The following RBM44 variants were observed in gnomAD, a reference collection of about 807,000 sequenced individuals.
RBM44 encodes the protein RNA-binding protein 44.
In RBM44, 66 loss-of-function variants were observed where a neutral mutation model predicts 105.1. The observed-to-expected ratio is 0.63, with a 90% confidence interval of 0.52 to 0.77. RBM44 has a LOEUF of 0.77. Among genes scored for constraint, RBM44 ranks in the 30% least tolerant of loss-of-function variants. The pLI, the probability that RBM44 is intolerant of heterozygous loss-of-function variation, is 0.00. For synonymous variants in RBM44, 365 were observed against 417.6 expected, an observed-to-expected ratio of 0.87 and a Z score of 1.54; for missense variants, 1,122 against 1,207.8, an observed-to-expected ratio of 0.93 and a Z score of 1.05.
intron 13 of RBM44, among the ~76,000 whole-genome samples, chr2:237,832,156 CTTT>C (rs1298405099): frequency 4.3e-5 from 6 of 140,182 alleles, no homozygotes; most frequent in Admixed American, 7.2e-5. Flanking sequence ...TAATTTCAGT[CTTT>C]TTTTTTTTTT....
Position 237,817,820 on chromosome 2 carries a change from A to C in RBM44, c.901A>C (p.Ser301Arg), listed in dbSNP as rs751851999. 1.9e-6 allele frequency: 3 copies of C among 1,612,388 alleles called. No homozygotes were observed. In the Admixed American group the frequency reaches 5.0e-5, roughly 27 times the overall value. Residue 301 changes from serine to arginine, a missense_variant, in exon 3 of 16, where the codon AGC becomes CGC. By Grantham distance (110) the Ser-to-Arg change is moderately radical. This residue lies in a region of RBM44 where 918 missense variants were observed against 955.3 expected (regional missense o/e 0.96). Coordinates refer to ENST00000316997, the MANE Select transcript of RBM44 (RefSeq NM_001080504.3). ...HTVFDGSVLR[S>R]NSPGNQESQS... ...TGTATTTGATGGCAGTGTACTAAGA[A>C]GCAATTCTCCAGGAAACCAGGAATC...
At chr2:237,808,467 A>G (rs1312443390) in intron 1 of RBM44, among the ~76,000 whole-genome samples, 3 of 150,918 alleles carry the variant, frequency 2.0e-5, no homozygotes, top group East Asian at 1.9e-4. Context: ...TCTCCCCCCA[A>G]AAAAAGCATA....
intron 13 of RBM44, among the ~76,000 whole-genome samples, chr2:237,833,305 G>T (rs969505979): frequency 6.6e-6 from 1 of 152,116 alleles, no homozygotes; most frequent in African/African-American, 2.4e-5. Flanking sequence ...TTTCATCGAG[G>T]CTTTAAAGTC....
Position 237,813,590 on chromosome 2 carries a change from A to G in RBM44, c.-18-2A>G. On this transcript the variant is annotated splice_acceptor_variant, in intron 1 of 15. Coordinates refer to ENST00000316997, the MANE Select transcript of RBM44 (RefSeq NM_001080504.3). LOFTEE classifies it low-confidence loss of function (5UTR_SPLICE). Reference sequence around the variant, plus strand: ...ATAGTTCAATATTTATACCTTTTCTAGATTATATATCTTTGAATGATGCAG... The same window carrying G: ...ATAGTTCAATATTTATACCTTTTCTGGATTATATATCTTTGAATGATGCAG... 1 of 1,523,406 alleles carries G rather than the reference A, an allele frequency of 6.6e-7. No individual in the cohort carries two copies. The highest frequency in any genetic ancestry group is 9.1e-7 in the Non-Finnish European group (1 of 1,099,950). The allele number at this position is 1,523,406 out of a possible 1,614,324, so 94.4% of individuals were successfully genotyped here. A position where few individuals can be genotyped will look rare whatever the true frequency, so the allele number is the denominator to read the frequency against.
chr2:237,830,754 T>C (rs2061894948), intron 13 of RBM44, among the ~76,000 whole-genome samples: 2 of 152,312 alleles, frequency 1.3e-5, no homozygotes, highest in South Asian at 2.1e-4. Flanking sequence ...ACTGTTTCGC[T>C]GAACTGTCTC....
At chr2:237,823,380 A>T in intron 8 of RBM44, 60 bp from the exon 9 acceptor site, 1 of 774,416 alleles carries the variant, frequency 1.3e-6, no homozygotes, top group Non-Finnish European at 2.2e-6. Context: ...TACCTGTCAC[A>T]TAGTAAGAGC....
chr2:237,808,727 C>G (rs984308188), intron 1 of RBM44, among the ~76,000 whole-genome samples: 1 of 152,104 alleles, frequency 6.6e-6, no homozygotes, highest in Non-Finnish European at 1.5e-5. Context: ...ATAAAGGAAA[C>G]TACTTCTAGA....
chr2:237,818,819 A>T lies in RBM44; in HGVS notation c.1678-82A>T. The T allele has an allele frequency of 1.2e-6, 1 of 830,228 alleles. No individual in the cohort carries two copies. The highest frequency in any genetic ancestry group is 2.8e-5 in the East Asian group (1 of 36,160). 51.4% of individuals were successfully genotyped at this position (830,228 alleles called of 1,614,324 possible). On this transcript the variant is annotated intron_variant, in intron 3 of 15. Transcript: ENST00000316997. This position sits in a 1 kb window ranked among gnomAD's most constrained non-coding sequence, Gnocchi z 4.6. ...CCTGGCAGCTCCTCCCACAAAATCC[A>T]TTAGAAATTGAATTGTACATTTTAT...
At chr2:237,815,212 T>C (rs1164178728) in intron 2 of RBM44, among the ~76,000 whole-genome samples, 1 of 152,088 alleles carries the variant, frequency 6.6e-6, no homozygotes, top group East Asian at 1.9e-4. Flanking sequence ...TTACAAATGT[T>C]AAAAAGAAAA....
intron 15 of RBM44, chr2:237,834,690 C>T (rs2061939761): frequency 5.6e-6 from 1 of 179,836 alleles, no homozygotes; most frequent in Non-Finnish European, 1.1e-5. Context: ...AGTTTTAGCT[C>T]AGGGTTTTTC....
chr2:237,818,960 G>T lies in RBM44; in HGVS notation c.1736+1G>T, dbSNP rs2061753240. On this transcript the variant is annotated splice_donor_variant, in intron 4 of 15. Coordinates refer to ENST00000316997, the MANE Select transcript of RBM44 (RefSeq NM_001080504.3). LOFTEE classifies it high-confidence loss of function. This position sits in a 1 kb window ranked among gnomAD's most constrained non-coding sequence, Gnocchi z 4.6. ...CAGACCTAAAGAAACATCCTGAGAG[G>T]TACATCATTTATATATGCTTACAGA... 1 of 1,439,110 alleles carries T rather than the reference G, an allele frequency of 6.9e-7. No individual in the cohort carries two copies. Among genetic ancestry groups the T allele is most frequent in the Admixed American group, 2.1e-5 (1 of 48,500 alleles). The allele number at this position is 1,439,110 out of a possible 1,614,324, so 89.1% of individuals were successfully genotyped here. A position where few individuals can be genotyped will look rare whatever the true frequency, so the allele number is the denominator to read the frequency against.
At chr2:237,810,726 G>C (rs543141359) in intron 1 of RBM44, among the ~76,000 whole-genome samples, 1 of 152,286 alleles carries the variant, frequency 6.6e-6, no homozygotes, top group South Asian at 2.1e-4. Context: ...GTGGTCTAAG[G>C]CATGGGGAAA....
At chr2:237,837,394 C>A (rs951976410) in intron 15 of RBM44, among the ~76,000 whole-genome samples, 1 of 152,022 alleles carries the variant, frequency 6.6e-6, no homozygotes, top group Non-Finnish European at 1.5e-5. Flanking sequence ...AAAGGAGTCA[C>A]CATTCTAGAT....
In RBM44 at chr2:237,818,391, T is replaced by TATCTACATCAAGCAACACAGAGATAACA; in HGVS notation, c.1475_1502dup (p.Met501IlefsTer13). The TATCTACATCAAGCAACACAGAGATAACA allele has an allele frequency of 6.2e-7, 1 of 1,613,030 alleles. No homozygotes were observed. Among genetic ancestry groups the TATCTACATCAAGCAACACAGAGATAACA allele is most frequent in the African/African-American group, 1.3e-5 (1 of 74,984 alleles). The stretch of plus-strand genomic sequence containing the variant: ...GCAACAAGTGCAAGACCTTCTGTAG[T>TATCTACATCAAGCAACACAGAGATAACA]ATCTACATCAAGCAACACAGAGATA... On this transcript the variant is annotated frameshift_variant, in exon 3 of 16. Transcript: ENST00000316997. LOFTEE classifies it high-confidence loss of function. This position sits in a 1 kb window ranked among gnomAD's most constrained non-coding sequence, Gnocchi z 4.6.
At position 237,818,868 on chromosome 2, in the gene RBM44, T is replaced by A; in HGVS notation, c.1678-33T>A. ...ATTAGTTTGGAATTTCAGATATAAC[T>A]TTTTTAAATTTAATTTTAAATCATA... On this transcript the variant is annotated intron_variant, in intron 3 of 15. Transcript: ENST00000316997. The surrounding 1 kb of genome is among the most constrained non-coding windows in gnomAD (Gnocchi z 4.6). 2 of 1,207,456 alleles carry A rather than the reference T, an allele frequency of 1.7e-6. No individual in the cohort carries two copies. Among genetic ancestry groups the A allele is most frequent in the Middle Eastern group, 2.4e-4 (1 of 4,216 alleles). 74.8% of individuals were successfully genotyped at this position (1,207,456 alleles called of 1,614,324 possible). A position where few individuals can be genotyped will look rare whatever the true frequency, so the allele number is the denominator to read the frequency against.
chr2:237,808,313 G>A (rs1470933567), intron 1 of RBM44, among the ~76,000 whole-genome samples: 1 of 151,970 alleles, frequency 6.6e-6, no homozygotes, highest in African/African-American at 2.4e-5. Context: ...AGCTGGGCAT[G>A]GTGGCTTGCA....
chr2:237,818,828 T>A lies in RBM44; in HGVS notation c.1678-73T>A. ...TCCTCCCACAAAATCCATTAGAAAT[T>A]GAATTGTACATTTTATTAGTTTGGA... is the stretch of plus-strand genomic sequence containing the variant. On this transcript the variant is annotated intron_variant, in intron 3 of 15. Coordinates refer to ENST00000316997, the MANE Select transcript of RBM44 (RefSeq NM_001080504.3). This position sits in a 1 kb window ranked among gnomAD's most constrained non-coding sequence, Gnocchi z 4.6. 1 of 885,208 alleles carries A rather than the reference T, an allele frequency of 1.1e-6. No individual in the cohort carries two copies. The highest frequency in any genetic ancestry group is 1.7e-6 in the Non-Finnish European group (1 of 572,180). The allele number at this position is 885,208 out of a possible 1,614,324, so 54.8% of individuals were successfully genotyped here.
At chr2:237,820,690 C>T (rs769965769) in intron 5 of RBM44, 5 of 229,622 alleles carry the variant, frequency 2.2e-5, no homozygotes, top group Non-Finnish European at 4.2e-5. Context: ...AACATATTTA[C>T]TGTGGTTCAT....
chr2:237,828,763 C>T (rs1011531192), intron 12 of RBM44, among the ~76,000 whole-genome samples: 1 of 152,112 alleles, frequency 6.6e-6, no homozygotes, highest in African/African-American at 2.4e-5. Flanking sequence ...TTCCCCACTA[C>T]AAGGTCATAA....
Sources: allele counts gnomAD v4.1 joint callset (sites outside exome capture counted in the v4.1 genomes callset), GRCh38; gene constraint gnomAD v4.1.1; regional missense constraint gnomAD v4.1.1; non-coding constraint Gnocchi (gnomAD v3.1); transcripts MANE v1.5; gene names NCBI Gene and HGNC (gene_info 2026-07-23, HGNC 2026-07-21).